The following TENM3 variants were observed in gnomAD, a reference collection of about 807,000 sequenced individuals.
TENM3 encodes teneurin-3.
In TENM3, 63 loss-of-function variants were observed where a neutral mutation model predicts 255.1. The ratio of observed to expected loss-of-function variants is 0.25; its 90% CI spans 0.20 to 0.30. The LOEUF (loss-of-function observed/expected upper bound fraction) is 0.30. TENM3 is among the 10% of genes least tolerant of loss of function. TENM3 has a pLI of 1.00. For missense variants in TENM3, 2,929 were observed against 3,461.1 expected, an observed-to-expected ratio of 0.85 and a Z score of 3.86; for synonymous variants, 1,306 against 1,322.3, an observed-to-expected ratio of 0.99 and a Z score of 0.27.
At chr4:182,243,946 CTT>C (rs967487689) in intron 1 of TENM3, among the ~76,000 whole-genome samples, 5 of 72,914 alleles carry the variant, frequency 6.9e-5, no homozygotes, top group South Asian at 5.2e-4. Context: ...TTTGTGTTTT[CTT>C]TTTTTTTTTT....
chr4:182,312,414 G>A (rs1762505788), intron 1 of TENM3, among the ~76,000 whole-genome samples: 1 of 152,164 alleles, frequency 6.6e-6, no homozygotes, highest in Admixed American at 6.5e-5. Flanking sequence ...ATTACTGTGT[G>A]TGTGATTGTG....
At chr4:181,804,766 T>C in the TENM3 span, among the ~76,000 whole-genome samples, 1 of 152,168 alleles carries the variant, frequency 6.6e-6, no homozygotes. Flanking sequence ...TCCCAGCTAC[T>C]CAGGAGCCTG....
chr4:181,558,756 T>C, the TENM3 span, among the ~76,000 whole-genome samples: 1 of 152,234 alleles, frequency 6.6e-6, no homozygotes, highest in African/African-American at 2.4e-5. Flanking sequence ...AACTGCAATA[T>C]GGCATTGGTC....
At chr4:182,399,323 T>C (rs1769069282) in intron 3 of TENM3, among the ~76,000 whole-genome samples, 1 of 152,230 alleles carries the variant, frequency 6.6e-6, no homozygotes, top group Admixed American at 6.5e-5. Flanking sequence ...TCCTAGACTT[T>C]GTTTCTTCAT....
the TENM3 span, among the ~76,000 whole-genome samples, chr4:182,047,289 C>T: frequency 1.3e-5 from 2 of 152,014 alleles, no homozygotes; most frequent in East Asian, 1.9e-4. Flanking sequence ...ATAGGCTGGA[C>T]GCAGTGGCTC....
At chr4:182,286,135 A>T (rs1023111107) in intron 1 of TENM3, among the ~76,000 whole-genome samples, 1 of 152,146 alleles carries the variant, frequency 6.6e-6, no homozygotes, top group African/African-American at 2.4e-5. Context: ...ACTGCAGGGC[A>T]TGTTTCTTGC....
At chr4:182,708,312 A>C (rs956659268) in intron 12 of TENM3, among the ~76,000 whole-genome samples, 19 of 152,326 alleles carry the variant, frequency 1.2e-4, no homozygotes, top group African/African-American at 4.6e-4. Context: ...GAACCTGGTC[A>C]GAGCTACGAG....
At chr4:182,469,883 A>G (rs1344195408) in intron 3 of TENM3, among the ~76,000 whole-genome samples, 2 of 152,062 alleles carry the variant, frequency 1.3e-5, no homozygotes, top group East Asian at 1.9e-4. Flanking sequence ...ACATAAATGT[A>G]AACAGTGATT....
At chr4:182,527,783 A>G (rs1179783880) in intron 3 of TENM3, among the ~76,000 whole-genome samples, 2 of 152,098 alleles carry the variant, frequency 1.3e-5, no homozygotes, top group African/African-American at 4.8e-5. Context: ...GCTGGAGTAC[A>G]GCGGCACAAT....
chr4:182,323,745 C>T (rs1378462808), intron 1 of TENM3, among the ~76,000 whole-genome samples: 1 of 152,132 alleles, frequency 6.6e-6, no homozygotes, highest in Non-Finnish European at 1.5e-5. Flanking sequence ...TCATAGCACT[C>T]ACCAGCAGAA....
the TENM3 span, among the ~76,000 whole-genome samples, chr4:182,135,217 A>C: frequency 6.6e-6 from 1 of 151,116 alleles, no homozygotes; most frequent in African/African-American, 2.4e-5. Flanking sequence ...AAAAAAAAAA[A>C]AAAAAAAAAA....
intron 5 of TENM3, among the ~76,000 whole-genome samples, chr4:182,643,129 C>A (rs1210019336): frequency 2.6e-5 from 4 of 152,168 alleles, no homozygotes; most frequent in Non-Finnish European, 4.4e-5. Flanking sequence ...AGCTTGGTTG[C>A]ACTCTGGATA....
chr4:182,609,553 C>A (rs1231395690), intron 4 of TENM3, among the ~76,000 whole-genome samples: 1 of 152,208 alleles, frequency 6.6e-6, no homozygotes, highest in Admixed American at 6.5e-5. Flanking sequence ...TCTGCTGTAA[C>A]CTTCTTTGTG....
the TENM3 span, among the ~76,000 whole-genome samples, chr4:181,685,108 T>C: frequency 2.6e-5 from 4 of 152,162 alleles, no homozygotes; most frequent in Admixed American, 1.3e-4. Flanking sequence ...TTTTAACATC[T>C]AAAAAGATGC....
At chr4:181,556,332 A>G in the TENM3 span, among the ~76,000 whole-genome samples, 4 of 152,114 alleles carry the variant, frequency 2.6e-5, no homozygotes, top group Admixed American at 2.6e-4. Context: ...ATAGCTTACT[A>G]ATTGGATGCT....
Position 182,244,968 on chromosome 4 carries a change from T to C in TENM3, c.-76+1492T>C, listed in dbSNP as rs533949699. On this transcript the variant is annotated intron_variant, in intron 1 of 27. Transcript: ENST00000511685. ...TCTAGAGTCTCTTTTTATTGTAATG[T>C]CTACATTCCATAATCAATGAATGCT... Among the ~76,000 whole-genome samples the C allele has an allele frequency of 6.6e-5, 10 of 152,366 alleles. No homozygotes were observed. In the South Asian group the frequency reaches 2.1e-3, roughly 32 times the overall value.
At chr4:181,549,388 T>C in the TENM3 span, among the ~76,000 whole-genome samples, 2 of 152,186 alleles carry the variant, frequency 1.3e-5, no homozygotes, top group African/African-American at 4.8e-5. Context: ...TTATCCTCGG[T>C]AGTACTTTTC....
chr4:181,832,760 C>T, the TENM3 span, among the ~76,000 whole-genome samples: 1 of 152,274 alleles, frequency 6.6e-6, no homozygotes, highest in East Asian at 1.9e-4. Flanking sequence ...TCAATTGAAC[C>T]GCCTTGGGGC....
At chr4:182,535,941 A>G (rs769281670) in intron 3 of TENM3, among the ~76,000 whole-genome samples, 12 of 152,242 alleles carry the variant, frequency 7.9e-5, no homozygotes, top group Non-Finnish European at 1.6e-4. Flanking sequence ...AGTATTTGTT[A>G]TTATTACACA....
Sources: gnomAD v4.1 joint callset for allele counts (sites outside exome capture counted in the v4.1 genomes callset) on GRCh38, gnomAD v4.1.1 for gene constraint, MANE v1.5 for transcripts, NCBI Gene and HGNC (gene_info 2026-07-23, HGNC 2026-07-21) for gene names.